Variants in SMARCC1 observed in about 807,000 individuals in gnomAD.
SMARCC1 encodes SWI/SNF complex subunit SMARCC1.
In SMARCC1, 43 loss-of-function variants were observed where a neutral mutation model predicts 147.4. The ratio of observed to expected loss-of-function variants is 0.29; its 90% CI spans 0.23 to 0.38. The LOEUF is 0.38. Among genes scored for constraint, SMARCC1 ranks in the 10% least tolerant of loss-of-function variants. The pLI, the probability that SMARCC1 is intolerant of heterozygous loss-of-function variation, is 1.00. For synonymous variants in SMARCC1, 495 were observed against 484.4 expected (o/e 1.02, Z -0.29); for missense variants, 1,119 against 1,381.1 (o/e 0.81, Z 3.01).
At chr3:47,635,957 C>T in intron 23 of SMARCC1, 65 bp downstream of exon 23, 1 of 776,502 alleles carries the variant, frequency 1.3e-6, no homozygotes, top group Non-Finnish European at 2.2e-6. Context: ...ATATAAACCA[C>T]CTTCATTTCT....
chr3:47,631,881 A>G (rs2032896154), intron 24 of SMARCC1, among the ~76,000 whole-genome samples: 1 of 152,182 alleles, frequency 6.6e-6, no homozygotes, highest in Non-Finnish European at 1.5e-5. Context: ...GTAGTATGAA[A>G]ATGATCATGT....
In SMARCC1 at chr3:47,588,237, G is replaced by A; in HGVS notation, c.3290C>T (p.Pro1097Leu). Residue 1097 changes from proline to leucine, a missense_variant, in exon 28 of 28, where the codon CCT becomes CTT. Physicochemically the swap from Pro to Leu is moderately conservative, Grantham distance 98 (BLOSUM62 -3). Coordinates refer to ENST00000254480, the MANE Select transcript of SMARCC1 (RefSeq NM_003074.4). The part of the protein sequence containing the change: ...PADGVPPPPA[P>L]GPPASAAP ...AGGAGCAGCTGAGGCTGGCGGGCCA[G>A]GAGCAGGAGGCGGAGGGACCCCATC... 6.2e-7 allele frequency: 1 copy of A among 1,613,836 alleles called. No homozygotes were observed. The highest frequency in any genetic ancestry group is 8.5e-7 in the Non-Finnish European group (1 of 1,179,862).
chr3:47,669,118 A>G (rs2033463996), intron 19 of SMARCC1, among the ~76,000 whole-genome samples: 1 of 152,216 alleles, frequency 6.6e-6, no homozygotes, highest in Non-Finnish European at 1.5e-5. Context: ...GTGTTATTGC[A>G]AACAATTCCT....
chr3:47,703,819 TAG>T (rs983165103), intron 10 of SMARCC1, among the ~76,000 whole-genome samples: 1 of 152,232 alleles, frequency 6.6e-6, no homozygotes, highest in African/African-American at 2.4e-5. Flanking sequence ...GTTTTTGAGA[TAG>T]AGTCTTCCTC....
intron 2 of SMARCC1, among the ~76,000 whole-genome samples, chr3:47,752,821 ATATGAG>A (rs1212824897): frequency 6.6e-6 from 1 of 152,168 alleles, no homozygotes; most frequent in African/African-American, 2.4e-5. Context: ...ATGATGCCTT[ATATGAG>A]TATCTCAACA....
intron 21 of SMARCC1, among the ~76,000 whole-genome samples, chr3:47,659,761 G>A (rs113262060): frequency 0.014 from 147 of 10,172 alleles, 9 homozygotes; most frequent in East Asian, 0.025. Flanking sequence ...AAAAAAAAAA[G>A]GGGGGGGGGG....
In SMARCC1 at chr3:47,686,221, T is replaced by G. The variant is rs142469086; in HGVS notation, c.1264-51A>C. ...AGAAAGAAAGAACTACAGAGAGAGA[T>G]ATATATAACATCTCTTACACTTCAG... On this transcript the variant is annotated intron_variant, in intron 13 of 27. Transcript: ENST00000254480. 410 of 1,435,900 alleles carry G rather than the reference T, an allele frequency of 2.9e-4. 3 individuals are homozygous for G. In the African/African-American group the frequency reaches 4.9e-3, roughly 17 times the overall value. 88.9% of individuals were successfully genotyped at this position (1,435,900 alleles called of 1,614,324 possible).
intron 26 of SMARCC1, chr3:47,604,305 A>T (rs1305392440): frequency 2.2e-6 from 1 of 456,730 alleles, no homozygotes; most frequent in East Asian, 6.9e-5. Context: ...CTTGGTAATA[A>T]ATCTGCCTAG....
At chr3:47,696,066 CA>C (rs1246837047) in intron 11 of SMARCC1, among the ~76,000 whole-genome samples, 417 of 35,458 alleles carry the variant, frequency 0.012, 7 homozygotes, top group African/African-American at 0.045. Flanking sequence ...GACGCTGTCT[CA>C]AAAAAAAAAA....
Position 47,600,734 on chromosome 3 carries a change from A to G in SMARCC1, c.3043+9332T>C, listed in dbSNP as rs550380520. 7.2e-5 allele frequency among the ~76,000 whole-genome samples: 11 copies of G among 152,206 alleles called. No individual in the cohort carries two copies. The South Asian group carries it at 1.5e-3, about 20-fold the overall frequency. On this transcript the variant is annotated intron_variant, in intron 26 of 27. Coordinates refer to ENST00000254480, the MANE Select transcript of SMARCC1 (RefSeq NM_003074.4). ...AGAAGACTCAGGAGAAGACAAAATC[A>G]ATTTCGCACAAAGCAACCCTTGTCC... is the stretch of plus-strand genomic sequence containing the variant.
intron 2 of SMARCC1, among the ~76,000 whole-genome samples, chr3:47,767,605 CA>C (rs2106870115): frequency 6.9e-6 from 1 of 145,656 alleles, no homozygotes; most frequent in East Asian, 2.1e-4. Flanking sequence ...TGCGGTGGCT[CA>C]CGCCTGTAAT....
At chr3:47,617,659 G>A (rs900294417) in intron 25 of SMARCC1, among the ~76,000 whole-genome samples, 2 of 152,182 alleles carry the variant, frequency 1.3e-5, no homozygotes, top group African/African-American at 4.8e-5. Context: ...GGAAGGATAG[G>A]ATGCTAGTGC....
At chr3:47,606,202 G>A (rs1172990473) in intron 26 of SMARCC1, among the ~76,000 whole-genome samples, 1 of 152,096 alleles carries the variant, frequency 6.6e-6, no homozygotes, top group Non-Finnish European at 1.5e-5. Flanking sequence ...AGATTAAAAT[G>A]ACCTATTTCT....
intron 2 of SMARCC1, among the ~76,000 whole-genome samples, chr3:47,767,883 T>G (rs1183865790): frequency 3.3e-5 from 5 of 151,732 alleles, no homozygotes; most frequent in African/African-American, 1.2e-4. Flanking sequence ...GAACTCTTTT[T>G]TTTTTTTTAA....
rs1390974116 is a variant in SMARCC1, at chr3:47,663,846, T to C, written c.1900-1254A>G. On this transcript the variant is annotated intron_variant, in intron 19 of 27. Transcript: ENST00000254480. ...GGCAACAGCCAGCGCTCTCAGCTCA[T>C]GATGTGCACCTGGATCGCCGCCCAG... The C allele has an allele frequency of 5.1e-6, 8 of 1,563,362 alleles. No individual in the cohort carries two copies. In the Admixed American group the frequency reaches 1.2e-4, roughly 23 times the overall value.
Position 47,659,763 on chromosome 3 carries a change from G to GT in SMARCC1, c.2320+1530_2320+1531insA, listed in dbSNP as rs1553680854. Among the ~76,000 whole-genome samples, 120 of 123,166 alleles carry GT rather than the reference G, an allele frequency of 9.7e-4. 12 individuals are homozygous for GT. Among genetic ancestry groups the GT allele is most frequent in the African/African-American group, 3.3e-3 (115 of 34,584 alleles). 80.8% of individuals were successfully genotyped at this position (123,166 alleles called of 152,430 possible). A position where few individuals can be genotyped will look rare whatever the true frequency, so the allele number is the denominator to read the frequency against. ...AAAGTCTACTAAGAAAAAAAAAAGG[G>GT]GGGGGGGGCAAGAATCTGAGTAGGT... On this transcript the variant is annotated intron_variant, in intron 21 of 27. Transcript: ENST00000254480.
intron 7 of SMARCC1, among the ~76,000 whole-genome samples, chr3:47,719,517 A>C (rs1005191340): frequency 3.3e-5 from 5 of 151,862 alleles, no homozygotes; most frequent in Admixed American, 2.6e-4. Flanking sequence ...CCTGACCAGC[A>C]TGGTGAAACC....
intron 14 of SMARCC1, among the ~76,000 whole-genome samples, chr3:47,683,247 C>T (rs1005954395): frequency 2.6e-5 from 4 of 151,938 alleles, no homozygotes; most frequent in African/African-American, 4.8e-5. Flanking sequence ...GGGGTTTCAC[C>T]GTGTTAGCCA....
Position 47,770,694 on chromosome 3 carries a change from G to A in SMARCC1, c.315+2123C>T, listed in dbSNP as rs140211429. Among the ~76,000 whole-genome samples the A allele has an allele frequency of 3.5e-3, 529 of 152,048 alleles. 4 individuals are homozygous for A. The highest frequency in any genetic ancestry group is 0.012 in the African/African-American group (495 of 41,476). On this transcript the variant is annotated intron_variant, in intron 2 of 27. Transcript: ENST00000254480. Reference sequence around the variant, plus strand: ...CTTTATAAATTAAAATTAAAAAAAGGTAAAAAATGAAATCATACAAGTACT... The same window carrying A: ...CTTTATAAATTAAAATTAAAAAAAGATAAAAAATGAAATCATACAAGTACT...
Sources: gnomAD v4.1 joint callset for allele counts (sites outside exome capture counted in the v4.1 genomes callset) on GRCh38, gnomAD v4.1.1 for gene constraint, MANE v1.5 for transcripts, NCBI Gene and HGNC (gene_info 2026-07-23, HGNC 2026-07-21) for gene names.